The following TAMM41 variants were observed in gnomAD, a reference collection of about 807,000 sequenced individuals.
The protein encoded by TAMM41 is TAM41 mitochondrial translocator assembly and maintenance homolog.
Under a neutral mutation model 44.1 loss-of-function variants are expected in TAMM41, and 36 were observed. That is an observed-to-expected ratio of 0.82 (90% CI 0.63 to 1.08). TAMM41 has a LOEUF of 1.08. Ranked by LOEUF, TAMM41 falls within the 50% of genes least tolerant of loss-of-function variation. TAMM41 has a pLI of 0.00. For missense variants in TAMM41, 417 were observed against 404.3 expected (o/e 1.03, Z -0.27); for synonymous variants, 164 against 153.1 (o/e 1.07, Z -0.53).
chr3:11,832,981 A>G (rs2079041027), intron 3 of TAMM41: 1 of 1,021,826 alleles, frequency 9.8e-7, no homozygotes, highest in Non-Finnish European at 1.2e-6. Flanking sequence ...GATTAAGAGG[A>G]TGAAAATAAA....
At chr3:11,788,359 A>G (rs1172605909), downstream of TAMM41, among the ~76,000 whole-genome samples, 1 of 152,212 alleles carries the variant, frequency 6.6e-6, no homozygotes, top group Non-Finnish European at 1.5e-5. Context: ...CAGCGGCACA[A>G]TCACAGATCA....
chr3:11,846,557 G>C lies in TAMM41; in HGVS notation c.80C>G (p.Ala27Gly), dbSNP rs1455099562. 2 of 1,614,218 alleles carry C rather than the reference G, an allele frequency of 1.2e-6. No homozygotes were observed. Among genetic ancestry groups the C allele is most frequent in the Non-Finnish European group, 1.7e-6 (2 of 1,180,040 alleles). The change falls in exon 1 of 8, where the codon GCT (alanine) becomes GGT (glycine). Residue 27 changes from alanine (A) to glycine (G), a missense_variant. Coordinates refer to ENST00000455809, the MANE Select transcript of TAMM41 (RefSeq NM_001284401.2). ...LSHFPEELSL[A>G]FVYGSGVYRQ... Reference sequence around the variant, plus strand: ...GTACACCCCGGAGCCGTAGACGAAAGCCAGACTCAGCTCCTCGGGGAAGTG... The same window carrying C: ...GTACACCCCGGAGCCGTAGACGAAACCCAGACTCAGCTCCTCGGGGAAGTG...
chr3:11,846,214 C>T (rs1332275695), intron 1 of TAMM41, among the ~76,000 whole-genome samples: 1 of 152,268 alleles, frequency 6.6e-6, no homozygotes, highest in Non-Finnish European at 1.5e-5. Context: ...CTGAAAGAAC[C>T]TGATAACGAT....
the TAMM41 span, among the ~76,000 whole-genome samples, chr3:11,764,787 C>T: frequency 2.8e-4 from 43 of 152,106 alleles, no homozygotes; most frequent in African/African-American, 9.4e-4. Flanking sequence ...CCACTGCACC[C>T]GGCCCATCTT....
chr3:11,780,133 A>T, the TAMM41 span, among the ~76,000 whole-genome samples: 2 of 152,120 alleles, frequency 1.3e-5, no homozygotes, highest in Non-Finnish European at 2.9e-5. Context: ...CACTTTTGAC[A>T]CTCTCTAGCT....
At chr3:11,807,434 A>C in intron 7 of TAMM41, 1 of 1,528,570 alleles carries the variant, frequency 6.5e-7, no homozygotes, top group African/African-American at 1.4e-5. Flanking sequence ...AAATGGCAGT[A>C]ACAACAAAAA....
intron 7 of TAMM41, among the ~76,000 whole-genome samples, chr3:11,803,900 C>A (rs2077827191): frequency 6.6e-6 from 1 of 152,048 alleles, no homozygotes; most frequent in Non-Finnish European, 1.5e-5. Flanking sequence ...CATGAGCATA[C>A]AGAATAGAAT....
At chr3:11,722,962 CAA>C in the TAMM41 span, among the ~76,000 whole-genome samples, 1 of 151,210 alleles carries the variant, frequency 6.6e-6, no homozygotes, top group Non-Finnish European at 1.5e-5. Context: ...GACTCCGTCT[CAA>C]AACAAAAAAT....
intron 3 of TAMM41, chr3:11,833,229 A>G (rs1038685592): frequency 8.8e-7 from 1 of 1,136,296 alleles, no homozygotes; most frequent in East Asian, 6.9e-5. Context: ...TGAACTGCAT[A>G]GATAACATTA....
At chr3:11,796,658 C>G (rs2077613434) in intron 7 of TAMM41, among the ~76,000 whole-genome samples, 1 of 152,062 alleles carries the variant, frequency 6.6e-6, no homozygotes. Flanking sequence ...GGCTGAAAAA[C>G]TGAACAGAGG....
intron 5 of TAMM41, among the ~76,000 whole-genome samples, chr3:11,815,855 C>T (rs557093914): frequency 8.5e-5 from 13 of 152,192 alleles, no homozygotes; most frequent in Admixed American, 2.6e-4. Context: ...GCTATAGAGA[C>T]GAAAGCAGCT....
chr3:11,782,386 A>G, the TAMM41 span, among the ~76,000 whole-genome samples: 2 of 151,962 alleles, frequency 1.3e-5, no homozygotes, highest in African/African-American at 4.8e-5. Flanking sequence ...TCTCTACTAA[A>G]AACACAAAAA....
intron 7 of TAMM41, among the ~76,000 whole-genome samples, chr3:11,799,466 C>G (rs766308071): frequency 1.3e-5 from 2 of 152,142 alleles, no homozygotes; most frequent in African/African-American, 4.8e-5. Context: ...AGCCCTTGGC[C>G]ATAATAAACA....
intron 4 of TAMM41, among the ~76,000 whole-genome samples, chr3:11,824,914 G>C (rs1021426100): frequency 6.6e-6 from 1 of 152,168 alleles, no homozygotes; most frequent in Non-Finnish European, 1.5e-5. Flanking sequence ...TGGAGTTGCA[G>C]TAGCAGTCAG....
chr3:11,783,134 T>C, the TAMM41 span, among the ~76,000 whole-genome samples: 2 of 152,374 alleles, frequency 1.3e-5, no homozygotes, highest in South Asian at 4.1e-4. Flanking sequence ...ACTGAGCACA[T>C]GGCTATTTTG....
At chr3:11,769,890 A>G in the TAMM41 span, among the ~76,000 whole-genome samples, 1 of 152,226 alleles carries the variant, frequency 6.6e-6, no homozygotes, top group Non-Finnish European at 1.5e-5. Context: ...ACACCTAGTT[A>G]TGCAAAGAGC....
the TAMM41 span, among the ~76,000 whole-genome samples, chr3:11,747,079 A>G: frequency 6.6e-6 from 1 of 152,106 alleles, no homozygotes; most frequent in Admixed American, 6.6e-5. Flanking sequence ...TTATTTATTT[A>G]TAAGACGGAG....
intron 3 of TAMM41, chr3:11,833,090 G>A: frequency 7.8e-7 from 1 of 1,276,374 alleles, no homozygotes; most frequent in Non-Finnish European, 1.0e-6. Context: ...TGTCTCAGCA[G>A]CACTGTTATT....
chr3:11,810,291 T>C (rs2078047668), intron 5 of TAMM41, among the ~76,000 whole-genome samples: 1 of 152,230 alleles, frequency 6.6e-6, no homozygotes, highest in Non-Finnish European at 1.5e-5. Context: ...ACAACTTAGT[T>C]GTCCTAAAGC....
Sources: allele counts gnomAD v4.1 joint callset (sites outside exome capture counted in the v4.1 genomes callset), GRCh38; gene constraint gnomAD v4.1.1; transcripts MANE v1.5; gene names NCBI Gene and HGNC (gene_info 2026-07-23, HGNC 2026-07-21).